TIAM2: variants seen among roughly 807,000 people sequenced by gnomAD.
TIAM2 encodes the protein rho guanine nucleotide exchange factor TIAM2.
In TIAM2, 80 loss-of-function variants were observed where a neutral mutation model predicts 152.9. The observed-to-expected ratio is 0.52, with a 90% confidence interval of 0.44 to 0.63. The LOEUF is 0.63. TIAM2 is among the 30% of genes least tolerant of loss of function. The pLI is 0.00. For synonymous variants in TIAM2, 804 were observed against 838.0 expected (o/e 0.96, Z 0.70); for missense variants, 1,965 against 2,120.1 (o/e 0.93, Z 1.44).
Position 155,137,239 on chromosome 6 carries a change from T to C in TIAM2, c.1257T>C (p.Asp419=), listed in dbSNP as rs45583335. The change falls in exon 5 of 27, where the codon GAT becomes GAC. Residue 419 remains aspartate (D), a synonymous_variant. Transcript: ENST00000682666. ...FDSRSDGLNT[D]VQGSSQASAF... ...GTCGCTCTGATGGACTGAATACAGA[T>C]GTGCAGGGATCCTCCCAGGCATCTG... 0.022 allele frequency: 36,004 copies of C among 1,614,202 alleles called. 492 individuals are homozygous for C. Among genetic ancestry groups the C allele is most frequent in the South Asian group, 0.032 (2,936 of 91,078 alleles).
chr6:155,042,127 G>A (rs1777059879), intron 1 of TIAM2, among the ~76,000 whole-genome samples: 1 of 151,798 alleles, frequency 6.6e-6, no homozygotes, highest in African/African-American at 2.4e-5. Context: ...TAGGGGTTGT[G>A]GACTGTTGCA....
At chr6:155,046,421 C>T (rs560041968) in intron 1 of TIAM2, among the ~76,000 whole-genome samples, 17 of 150,216 alleles carry the variant, frequency 1.1e-4, no homozygotes, top group African/African-American at 3.4e-4. Flanking sequence ...CTGCAGCCTC[C>T]GCCTCCCAGG....
intron 1 of TIAM2, among the ~76,000 whole-genome samples, chr6:155,026,889 C>T (rs1776613583): frequency 6.6e-6 from 1 of 152,154 alleles, no homozygotes; most frequent in Admixed American, 6.6e-5. Flanking sequence ...AACGGAGCAA[C>T]TGGTTGGGAA....
chr6:155,016,720 G>C (rs770938277), intron 1 of TIAM2, among the ~76,000 whole-genome samples: 5 of 152,030 alleles, frequency 3.3e-5, no homozygotes, highest in Admixed American at 6.6e-5. Context: ...CCAACATGGT[G>C]AAACCTGTCT....
chr6:155,091,696 C>CT (rs769618173), intron 2 of TIAM2, among the ~76,000 whole-genome samples: 1 of 151,798 alleles, frequency 6.6e-6, no homozygotes, highest in African/African-American at 2.4e-5. Flanking sequence ...TGACCTTTTT[C>CT]TTTTTTTTAT....
At chr6:155,041,273 C>G (rs921716161) in intron 1 of TIAM2, among the ~76,000 whole-genome samples, 5 of 152,126 alleles carry the variant, frequency 3.3e-5, no homozygotes, top group Non-Finnish European at 5.9e-5. Context: ...TTTTTTCCCC[C>G]CAGGGGCTGG....
At chr6:154,998,153 G>T (rs1228534725) in intron 1 of TIAM2, among the ~76,000 whole-genome samples, 1 of 152,140 alleles carries the variant, frequency 6.6e-6, no homozygotes, top group Non-Finnish European at 1.5e-5. Context: ...GTCAACATGT[G>T]GTGCTTTGTC....
intron 25 of TIAM2, 39 bp from the exon 26 acceptor site, chr6:155,254,380 T>C: frequency 6.2e-7 from 1 of 1,602,978 alleles, no homozygotes; most frequent in Non-Finnish European, 8.5e-7. Flanking sequence ...CGATGAACAC[T>C]GTGGACACTT....
intron 1 of TIAM2, among the ~76,000 whole-genome samples, chr6:155,050,000 G>T (rs756804329): frequency 3.7e-4 from 56 of 152,198 alleles, no homozygotes; most frequent in South Asian, 6.2e-4. Context: ...TTTGCTTTAG[G>T]TTCAGAGTAA....
At position 155,056,372 on chromosome 6, in the gene TIAM2, A is replaced by G. The variant is rs182214139; in HGVS notation, c.-208-33917A>G. ...TTTTTCATAGAGACGGGGTTTCACC[A>G]TGTTGGCCAGGCTGATCATGAACTC... On this transcript the variant is annotated intron_variant, in intron 1 of 26. Coordinates refer to ENST00000682666, the MANE Select transcript of TIAM2 (RefSeq NM_012454.4). 3.2e-4 allele frequency among the ~76,000 whole-genome samples: 49 copies of G among 151,856 alleles called. No individual in the cohort carries two copies. In the East Asian group the frequency reaches 8.3e-3, roughly 26 times the overall value.
At chr6:155,012,898 A>G (rs1778513313) in intron 1 of TIAM2, among the ~76,000 whole-genome samples, 1 of 152,236 alleles carries the variant, frequency 6.6e-6, no homozygotes, top group Non-Finnish European at 1.5e-5. Context: ...TTAAAATCTT[A>G]CAATGTAGCA....
chr6:155,102,685 A>G (rs539740211), intron 2 of TIAM2, among the ~76,000 whole-genome samples: 1 of 151,714 alleles, frequency 6.6e-6, no homozygotes, highest in African/African-American at 2.4e-5. Flanking sequence ...CAGGTTTTTT[A>G]TTACAGTCAG....
In TIAM2 at chr6:155,183,365, A is replaced by T. The variant is rs1389360997; in HGVS notation, c.2929A>T (p.Thr977Ser). The T allele has an allele frequency of 1.2e-6, 2 of 1,613,458 alleles. No individual in the cohort carries two copies. The highest frequency in any genetic ancestry group is 2.2e-5 in the East Asian group (1 of 44,814). ...CACTCTGATTGCCCGGCCTCCGGAC[A>T]CAAAAGCAACCCTGTGTACATCCTG... ...GLTLIARPPDTKATLCTSWSD... is the reference protein window; with the variant it reads ...GLTLIARPPDSKATLCTSWSD... Residue 977 changes from threonine (T) to serine (S), a missense_variant, in exon 14 of 27, where the codon ACA (threonine) becomes TCA (serine). Around this residue, in one of 3 missense-constraint regions of TIAM2, gnomAD observed 935 missense variants for 980.0 expected, o/e 0.95. Coordinates refer to ENST00000682666, the MANE Select transcript of TIAM2 (RefSeq NM_012454.4).
At chr6:155,206,519 A>G (rs558932986) in intron 14 of TIAM2, among the ~76,000 whole-genome samples, 16 of 152,218 alleles carry the variant, frequency 1.1e-4, no homozygotes, top group East Asian at 7.7e-4. Flanking sequence ...ACAGGTGTGA[A>G]CCACTGTGCC....
Position 155,015,944 on chromosome 6 carries a change from CAAAAA to C in TIAM2, c.-209+20477_-209+20481del, listed in dbSNP as rs3081689. Reference sequence around the variant, plus strand: ...AGAGCAAGACCCTGTTTCAAAAAACCAAAAAAAAAAAAAAAAAAAAAAAAAAAAAC... The same window carrying C: ...AGAGCAAGACCCTGTTTCAAAAAACCAAAAAAAAAAAAAAAAAAAAAAAAC... On this transcript the variant is annotated intron_variant, in intron 1 of 26. Transcript: ENST00000682666. 2.7e-3 allele frequency among the ~76,000 whole-genome samples: 167 copies of C among 61,784 alleles called. 1 individual carries two copies. The highest frequency in any genetic ancestry group is 6.6e-3 in the African/African-American group (155 of 23,514). The allele number at this position is 61,784 out of a possible 152,430, so 40.5% of individuals were successfully genotyped here. A position where few individuals can be genotyped will look rare whatever the true frequency, so the allele number is the denominator to read the frequency against.
intron 2 of TIAM2, among the ~76,000 whole-genome samples, chr6:155,111,611 A>T (rs181099701): frequency 2.2e-4 from 33 of 152,242 alleles, no homozygotes; most frequent in African/African-American, 7.2e-4. Context: ...ACGTTTCTGA[A>T]GTTTCTGTGA....
chr6:155,236,586 C>G (rs1242184417), intron 15 of TIAM2, among the ~76,000 whole-genome samples: 2 of 152,090 alleles, frequency 1.3e-5, no homozygotes, highest in Non-Finnish European at 2.9e-5. Flanking sequence ...TTGCTTGCAC[C>G]CGGGAGGCAG....
At position 155,139,706 on chromosome 6, in the gene TIAM2, G is replaced by A. The variant is rs560735881; in HGVS notation, c.1630+2094G>A. Among the ~76,000 whole-genome samples, 11 of 152,250 alleles carry A rather than the reference G, an allele frequency of 7.2e-5. No individual in the cohort carries two copies. The East Asian group carries it at 9.6e-4, about 13-fold the overall frequency. ...TGTAATCCCAGCACTTTGGGAGGCCGAGGCGGGTGGATCTCCTGAGGTTAG... is the reference window on the plus strand; with the variant it reads ...TGTAATCCCAGCACTTTGGGAGGCCAAGGCGGGTGGATCTCCTGAGGTTAG... On this transcript the variant is annotated intron_variant, in intron 5 of 26. Transcript: ENST00000682666.
At chr6:155,031,977 G>A (rs965376879) in intron 1 of TIAM2, among the ~76,000 whole-genome samples, 1 of 152,170 alleles carries the variant, frequency 6.6e-6, no homozygotes, top group Non-Finnish European at 1.5e-5. Context: ...TATCAACTGC[G>A]ACTAGGGGCT....
Sources: gnomAD v4.1 joint callset for allele counts (sites outside exome capture counted in the v4.1 genomes callset) on GRCh38, gnomAD v4.1.1 for gene constraint, gnomAD v4.1.1 regional missense constraint, MANE v1.5 for transcripts, NCBI Gene and HGNC (gene_info 2026-07-23, HGNC 2026-07-21) for gene names.